The following TTI1 variants were observed in gnomAD, a reference collection of about 807,000 sequenced individuals.
TTI1 encodes the protein TELO2-interacting protein 1 homolog.
TTI1 carries 52 observed loss-of-function variants against 85.4 expected under a neutral mutation model. The observed-to-expected ratio is 0.61, with a 90% confidence interval of 0.49 to 0.77. The LOEUF is 0.77. Ranked by LOEUF, TTI1 falls within the 30% of genes least tolerant of loss-of-function variation. The probability of loss-of-function intolerance (pLI) is 0.00; values close to 1 mark genes in which losing one functional copy is unlikely to be tolerated. For synonymous variants in TTI1, 512 were observed against 503.9 expected, an observed-to-expected ratio of 1.02 and a Z score of -0.22; for missense variants, 1,173 against 1,296.0, an observed-to-expected ratio of 0.91 and a Z score of 1.46.
intron 7 of TTI1, among the ~76,000 whole-genome samples, chr20:37,984,685 C>T (rs1030348412): frequency 6.6e-6 from 1 of 152,204 alleles, no homozygotes; most frequent in Non-Finnish European, 1.5e-5. Context: ...CCACTGTGCC[C>T]AAGTAAGGCT....
At chr20:38,014,612 A>C (rs1278435906) in intron 1 of TTI1, among the ~76,000 whole-genome samples, 1 of 152,188 alleles carries the variant, frequency 6.6e-6, no homozygotes, top group African/African-American at 2.4e-5. Context: ...ACCCAGAGAG[A>C]TGGGAAAACT....
rs545942916 is a variant in TTI1 at position 37,984,650 on chromosome 20, G to A, written c.3087-1011C>T. On this transcript the variant is annotated intron_variant, in intron 7 of 7. Transcript: ENST00000373447. ...CTCACCATCGCCTGCTCGGAGGCTGGGCTCCCCATGCCATTTTGCCCACAC... is the reference window on the plus strand; with the variant it reads ...CTCACCATCGCCTGCTCGGAGGCTGAGCTCCCCATGCCATTTTGCCCACAC... Among the ~76,000 whole-genome samples, 21 of 152,292 alleles carry A rather than the reference G, an allele frequency of 1.4e-4. 1 individual carries two copies. The South Asian group carries it at 4.4e-3, about 32-fold the overall frequency.
intron 2 of TTI1, among the ~76,000 whole-genome samples, chr20:38,010,697 C>T (rs535375909): frequency 3.3e-5 from 5 of 151,872 alleles, no homozygotes; most frequent in South Asian, 4.2e-4. Context: ...AGGATGGTCT[C>T]GATCTCCTGA....
Position 37,996,387 on chromosome 20 carries a change from T to C in TTI1, c.3074A>G (p.Glu1025Gly), listed in dbSNP as rs1221929139. ...LSVKQPVKLQ[E>G]AARSVFLHLM... ...CAGGCAGACGTACCTCCTGGCAGCC[T>C]CTTGTAATTTCACGGGCTGTTTGAC... The change falls in exon 7 of 8, where the codon GAG becomes GGG. Residue 1025 changes from glutamate (E) to glycine (G), a missense_variant. Coordinates refer to ENST00000373447, the MANE Select transcript of TTI1 (RefSeq NM_001303457.2). The C allele has an allele frequency of 2.5e-6, 4 of 1,614,106 alleles. No individual in the cohort carries two copies.
At chr20:37,995,526 A>G (rs934163825) in intron 7 of TTI1, among the ~76,000 whole-genome samples, 1 of 152,226 alleles carries the variant, frequency 6.6e-6, no homozygotes, top group Non-Finnish European at 1.5e-5. Context: ...CAGGGCTCAG[A>G]GCGGCACAGA....
At chr20:38,029,077 T>G (rs2054502322) in intron 1 of TTI1, among the ~76,000 whole-genome samples, 1 of 151,892 alleles carries the variant, frequency 6.6e-6, no homozygotes, top group African/African-American at 2.4e-5. Flanking sequence ...CCTCAACAAA[T>G]TTAAAAGAAC....
chr20:38,012,544 G>C lies in TTI1; in HGVS notation c.1273C>G (p.Leu425Val), dbSNP rs775191517. The change falls in exon 2 of 8, where the codon CTC (leucine) becomes GTC (valine). Residue 425 changes from leucine to valine, a missense_variant. By Grantham distance (32) the Leu-to-Val change is conservative (BLOSUM62 1). Transcript: ENST00000373447. ...INFVLNSVAH[L>V]QRLSKALIQV... ...ATGAGTGCTTTGGAAAGCCGCTGGA[G>C]ATGGGCCACAGAGTTGAGGACAAAG... 15 of 1,614,112 alleles carry C rather than the reference G, an allele frequency of 9.3e-6. No homozygotes were observed. Among genetic ancestry groups the C allele is most frequent in the Non-Finnish European group, 1.3e-5 (15 of 1,180,046 alleles).
intron 3 of TTI1, among the ~76,000 whole-genome samples, chr20:38,004,579 C>T (rs1202733069): frequency 2.0e-5 from 3 of 152,210 alleles, no homozygotes; most frequent in Non-Finnish European, 4.4e-5. Flanking sequence ...CCTTAGAATG[C>T]CAAGTGTGTG....
chr20:37,983,556 G>A lies in TTI1; in HGVS notation c.3170C>T (p.Pro1057Leu), dbSNP rs1297983412. 1.2e-6 allele frequency: 2 copies of A among 1,609,620 alleles called. No individual in the cohort carries two copies. The highest frequency in any genetic ancestry group is 1.7e-6 in the Non-Finnish European group (2 of 1,178,234). Residue 1057 changes from proline to leucine, a missense_variant, in exon 8 of 8, where the codon CCT becomes CTT. By Grantham distance (98) the Pro-to-Leu change is moderately conservative (BLOSUM62 -3). Coordinates refer to ENST00000373447, the MANE Select transcript of TTI1 (RefSeq NM_001303457.2). ...NELYCPVQFT[P>L]PHPSLHPVQL... Reference sequence around the variant, plus strand: ...CACAGGGTGGAGGCTGGGGTGGGGAGGTGTGAACTGCACGGGGCAGTAAAG... The same window carrying A: ...CACAGGGTGGAGGCTGGGGTGGGGAAGTGTGAACTGCACGGGGCAGTAAAG...
chr20:37,995,234 G>T (rs1358712621), intron 7 of TTI1, among the ~76,000 whole-genome samples: 1 of 152,188 alleles, frequency 6.6e-6, no homozygotes, highest in Non-Finnish European at 1.5e-5. Flanking sequence ...TGACGGGAAA[G>T]GGACAGGAAG....
Position 38,012,927 on chromosome 20 carries a change from C to T in TTI1, c.890G>A (p.Cys297Tyr). 1.9e-6 allele frequency: 3 copies of T among 1,614,170 alleles called. No individual in the cohort carries two copies. Among genetic ancestry groups the T allele is most frequent in the Middle Eastern group, 1.6e-4 (1 of 6,062 alleles). ...CTTCCAGTGTGGGTGAACAGAAACA[C>T]ACTCAATTATCTTTTTAATAAGGAT... ...LTILIKKIIE[C>Y]VSVHPHWKVR... The change falls in exon 2 of 8, where the codon TGT (cysteine) becomes TAT (tyrosine). Residue 297 changes from cysteine to tyrosine, a missense_variant. Transcript: ENST00000373447.
intron 1 of TTI1, among the ~76,000 whole-genome samples, chr20:38,021,773 C>T (rs1488735823): frequency 6.6e-6 from 1 of 152,154 alleles, no homozygotes; most frequent in East Asian, 1.9e-4. Context: ...TATTCCCCTC[C>T]CCTCTACCTA....
At chr20:38,011,072 T>C (rs1386752040) in intron 2 of TTI1, among the ~76,000 whole-genome samples, 1 of 152,228 alleles carries the variant, frequency 6.6e-6, no homozygotes, top group East Asian at 1.9e-4. Flanking sequence ...CTAGACAATA[T>C]GTGACTGAAT....
rs143313337 is a variant in TTI1, at chr20:38,029,978, T to G, written c.-42+3426A>C. ...TCTCAGCCTCCATAACTGTAAGAAA[T>G]ACATCCTTTTTCTTTATAAATTACC... On this transcript the variant is annotated intron_variant, in intron 1 of 7. Transcript: ENST00000373447. Among the ~76,000 whole-genome samples, 524 of 152,150 alleles carry G rather than the reference T, an allele frequency of 3.4e-3. 2 individuals carry two copies. Among genetic ancestry groups the G allele is most frequent in the African/African-American group, 0.012 (495 of 41,516 alleles).
intron 7 of TTI1, among the ~76,000 whole-genome samples, chr20:37,988,407 A>G (rs2073220790): frequency 6.6e-6 from 1 of 152,238 alleles, no homozygotes; most frequent in Admixed American, 6.5e-5. Context: ...AATATTACAG[A>G]ATATGTTCTC....
At chr20:37,996,606 T>A (rs928655361) in intron 6 of TTI1, 143 bp downstream of exon 6, 1 of 1,396,896 alleles carries the variant, frequency 7.2e-7, no homozygotes, top group Admixed American at 1.8e-5. Flanking sequence ...CACATCAAGA[T>A]AAATGGACAA....
Position 37,999,285 on chromosome 20 carries a change from T to G in TTI1, c.2696A>C (p.His899Pro). The change falls in exon 5 of 8, where the codon CAC (histidine) becomes CCC (proline). Residue 899 changes from histidine to proline, a missense_variant. Transcript: ENST00000373447. Reference sequence around the variant, plus strand: ...AGCCAAGGGAAGCAGCTGGTTTTTGTGGGACTGAAGAACAACCACACACAG... The same window carrying G: ...AGCCAAGGGAAGCAGCTGGTTTTTGGGGGACTGAAGAACAACCACACACAG... ...LDLCVVVLQS[H>P]KNQLLPLAHQ... 6.6e-7 allele frequency: 1 copy of G among 1,519,566 alleles called. No homozygotes were observed. The highest frequency in any genetic ancestry group is 1.3e-5 in the South Asian group (1 of 77,540). The allele number at this position is 1,519,566 out of a possible 1,614,324, so 94.1% of individuals were successfully genotyped here. A position where few individuals can be genotyped will look rare whatever the true frequency, so the allele number is the denominator to read the frequency against.
chr20:37,987,694 C>T (rs1001867487), intron 7 of TTI1, among the ~76,000 whole-genome samples: 4 of 152,220 alleles, frequency 2.6e-5, no homozygotes, highest in African/African-American at 7.2e-5. Context: ...ATTTAGAACT[C>T]GCTGTTAGGC....
chr20:37,996,981 G>A (rs1233636607), intron 5 of TTI1, 28 bp from the exon 6 acceptor site: 7 of 1,606,044 alleles, frequency 4.4e-6, no homozygotes, highest in Non-Finnish European at 4.3e-6. Context: ...AACCTGGTGA[G>A]TGAACATTGC....
Sources: allele counts gnomAD v4.1 joint callset (sites outside exome capture counted in the v4.1 genomes callset), GRCh38; gene constraint gnomAD v4.1.1; transcripts MANE v1.5; gene names NCBI Gene and HGNC (gene_info 2026-07-23, HGNC 2026-07-21).